NHERF4: variants seen among roughly 807,000 people sequenced by gnomAD.
NHERF4 encodes Na(+)/H(+) exchange regulatory cofactor NHE-RF4.
the NHERF4 span, chr11:119,190,115 C>T: frequency 1.7e-6 from 1 of 598,728 alleles, no homozygotes; most frequent in Non-Finnish European, 2.8e-6. The surrounding 1 kb of genome is among the most constrained non-coding windows in gnomAD (Gnocchi z 4.2). Context: ...ATGGGTCAAC[C>T]CAGAACTGAG....
At chr11:119,189,963 G>A in the NHERF4 span, 10 of 350,998 alleles carry the variant, frequency 2.8e-5, no homozygotes, top group Admixed American at 4.3e-4. This position sits in a 1 kb window ranked among gnomAD's most constrained non-coding sequence, Gnocchi z 5.8. Flanking sequence ...GACTGCCTGT[G>A]TTTGTGTTGG....
At chr11:119,189,112 G>A in the NHERF4 span, 1 of 1,614,060 alleles carries the variant, frequency 6.2e-7, no homozygotes. The surrounding 1 kb of genome is among the most constrained non-coding windows in gnomAD (Gnocchi z 5.8). Context: ...AGAGGCTTCA[G>A]CAGCTGCCTG....
At chr11:119,189,608 C>T in the NHERF4 span, 34 of 1,204,148 alleles carry the variant, frequency 2.8e-5, no homozygotes, top group African/African-American at 1.3e-4. The surrounding 1 kb of genome is among the most constrained non-coding windows in gnomAD (Gnocchi z 5.8). Context: ...CAGACACCAC[C>T]GATCACAGGC....
chr11:119,188,437 TG>T, the NHERF4 span: 6 of 1,613,314 alleles, frequency 3.7e-6, no homozygotes, highest in Non-Finnish European at 5.1e-6. Context: ...TGGCTGTGGC[TG>T]GGGAGAGCGT....
chr11:119,187,473 G>A, the NHERF4 span: 4 of 1,613,892 alleles, frequency 2.5e-6, no homozygotes, highest in Non-Finnish European at 3.4e-6. Context: ...AGCCCAGAGG[G>A]TGCGAGGGGG....
chr11:119,187,876 G>A, the NHERF4 span: 2 of 1,478,234 alleles, frequency 1.4e-6, no homozygotes, highest in African/African-American at 1.4e-5. Context: ...AGGGGCTGTG[G>A]GGGGAGCATA....
At chr11:119,185,724 G>A in the NHERF4 span, 22 of 807,898 alleles carry the variant, frequency 2.7e-5, no homozygotes, top group Middle Eastern at 6.8e-4. Flanking sequence ...CAAGGACTTG[G>A]GGGGAGAGAA....
At chr11:119,187,508 CCT>C in the NHERF4 span, 1 of 1,612,816 alleles carries the variant, frequency 6.2e-7, no homozygotes, top group East Asian at 2.2e-5. Context: ...GATCTCAGCC[CCT>C]GTTCAGGGCA....
At chr11:119,188,521 C>CG in the NHERF4 span, 1 of 1,602,136 alleles carries the variant, frequency 6.2e-7, no homozygotes, top group South Asian at 1.1e-5. Context: ...TCACTGTCGT[C>CG]GACCCTGAGG....
At chr11:119,188,839 C>T in the NHERF4 span, 9 of 1,614,070 alleles carry the variant, frequency 5.6e-6, no homozygotes, top group Admixed American at 1.0e-4. Flanking sequence ...AGTTGTGTGG[C>T]CAGTGGGCCT....
the NHERF4 span, among the ~76,000 whole-genome samples, chr11:119,186,939 G>C: frequency 6.6e-6 from 1 of 152,044 alleles, no homozygotes. This position sits in a 1 kb window ranked among gnomAD's most constrained non-coding sequence, Gnocchi z 4.4. Flanking sequence ...AGGAGTTCAA[G>C]ACCAGCCTGG....
At chr11:119,189,591 A>C in the NHERF4 span, 6 of 1,363,274 alleles carry the variant, frequency 4.4e-6, no homozygotes, top group African/African-American at 1.4e-5. This position sits in a 1 kb window ranked among gnomAD's most constrained non-coding sequence, Gnocchi z 5.8. Flanking sequence ...GCCAGACCAG[A>C]GGGACTCAGA....
the NHERF4 span, chr11:119,187,477 G>C: frequency 1.2e-6 from 2 of 1,613,650 alleles, no homozygotes; most frequent in African/African-American, 2.7e-5. Flanking sequence ...CAGAGGGTGC[G>C]AGGGGGCGGC....
At chr11:119,188,272 G>A in the NHERF4 span, 67 of 1,581,006 alleles carry the variant, frequency 4.2e-5, no homozygotes, top group East Asian at 7.0e-4. Flanking sequence ...GCCTCTTCCC[G>A]TTCACTCTGG....
chr11:119,185,902 T>G, the NHERF4 span: 9 of 1,614,012 alleles, frequency 5.6e-6, no homozygotes, highest in Non-Finnish European at 6.8e-6. Context: ...TCTCCTCCTC[T>G]CACCCACTTC....
the NHERF4 span, chr11:119,188,521 C>T: frequency 2.8e-5 from 45 of 1,602,018 alleles, no homozygotes; most frequent in Middle Eastern, 1.7e-4. Flanking sequence ...TCACTGTCGT[C>T]GACCCTGAGG....
the NHERF4 span, chr11:119,187,232 G>A: frequency 3.9e-6 from 6 of 1,536,728 alleles, no homozygotes; most frequent in Non-Finnish European, 4.4e-6. Flanking sequence ...TGGCAAGAGG[G>A]TCTAGACCAA....
chr11:119,187,185 G>T, the NHERF4 span: 5 of 1,091,036 alleles, frequency 4.6e-6, no homozygotes, highest in Admixed American at 3.3e-5. Context: ...CGATTCCCTT[G>T]GCAAAAAAAT....
chr11:119,187,584 T>A, the NHERF4 span: 1 of 1,590,270 alleles, frequency 6.3e-7, no homozygotes, highest in Non-Finnish European at 8.6e-7. Context: ...TCCTTTCTGG[T>A]TGGTGCTAAG....
Sources: allele counts gnomAD v4.1 joint callset (sites outside exome capture counted in the v4.1 genomes callset), GRCh38; gene constraint gnomAD v4.1.1; non-coding constraint Gnocchi (gnomAD v3.1); transcripts MANE v1.5; gene names NCBI Gene and HGNC (gene_info 2026-07-23, HGNC 2026-07-21).